Variants in CNTNAP5 observed in about 807,000 individuals in gnomAD.
CNTNAP5 encodes contactin associated protein family member 5.
In CNTNAP5, 72 loss-of-function variants were observed where a neutral mutation model predicts 150.2. The ratio of observed to expected loss-of-function variants is 0.48; its 90% CI spans 0.40 to 0.58. The LOEUF is 0.58. Ranked by LOEUF, CNTNAP5 falls within the 20% of genes least tolerant of loss-of-function variation. The pLI is 0.00. For missense variants in CNTNAP5, 1,636 were observed against 1,626.2 expected (o/e 1.01, Z -0.10); for synonymous variants, 672 against 619.8 (o/e 1.08, Z -1.25).
In CNTNAP5 at chr2:124,419,152, A is replaced by AAAAAAAAAAC. The variant is rs1553466539; in HGVS notation, c.529+1571_529+1572insCAAAAAAAAA. The stretch of plus-strand genomic sequence containing the variant: ...CGAGACTCCTTCTCAAAAAAAAAAA[A>AAAAAAAAAAC]AAAAAAAAAAACAGTATGAAGCTTT... On this transcript the variant is annotated intron_variant, in intron 4 of 23. Transcript: ENST00000682447. Among the ~76,000 whole-genome samples the AAAAAAAAAAC allele has an allele frequency of 1.4e-3, 165 of 121,018 alleles. 7 individuals carry two copies. The highest frequency in any genetic ancestry group is 4.1e-3 in the African/African-American group (145 of 35,286). The allele number at this position is 121,018 out of a possible 152,430, so 79.4% of individuals were successfully genotyped here. A position where few individuals can be genotyped will look rare whatever the true frequency, so the allele number is the denominator to read the frequency against.
intron 3 of CNTNAP5, among the ~76,000 whole-genome samples, chr2:124,325,720 C>T (rs1409741698): frequency 1.3e-5 from 2 of 152,146 alleles, no homozygotes; most frequent in South Asian, 2.1e-4. Flanking sequence ...GAGGCCATTT[C>T]GAAGCTTCCT....
intron 3 of CNTNAP5, among the ~76,000 whole-genome samples, chr2:124,254,844 T>C (rs1331894272): frequency 6.6e-6 from 1 of 152,176 alleles, no homozygotes; most frequent in Non-Finnish European, 1.5e-5. Flanking sequence ...GTCAGAATAC[T>C]GACTTTTGAC....
intron 11 of CNTNAP5, among the ~76,000 whole-genome samples, chr2:124,595,048 G>A (rs1295651819): frequency 6.9e-6 from 1 of 144,500 alleles, no homozygotes; most frequent in Non-Finnish European, 1.5e-5. Context: ...CTGAGATGAT[G>A]GGGTTTTCTA....
At chr2:124,157,227 C>T (rs921997234) in intron 1 of CNTNAP5, among the ~76,000 whole-genome samples, 1 of 152,154 alleles carries the variant, frequency 6.6e-6, no homozygotes, top group African/African-American at 2.4e-5. Flanking sequence ...CACCCTCTTC[C>T]CCTGGGTAGA....
At chr2:124,693,922 C>A (rs994584695) in intron 13 of CNTNAP5, among the ~76,000 whole-genome samples, 3 of 151,356 alleles carry the variant, frequency 2.0e-5, no homozygotes, top group African/African-American at 7.3e-5. Flanking sequence ...TGACAAGGGG[C>A]AGTGAGCTTT....
At chr2:124,475,342 T>C (rs1007330407) in intron 7 of CNTNAP5, among the ~76,000 whole-genome samples, 1 of 152,126 alleles carries the variant, frequency 6.6e-6, no homozygotes. Flanking sequence ...ATTTATCATA[T>C]TGACAAATTA....
chr2:124,155,377 A>T (rs142663168), intron 1 of CNTNAP5, among the ~76,000 whole-genome samples: 363 of 152,104 alleles, frequency 2.4e-3, no homozygotes, highest in African/African-American at 8.2e-3. Context: ...TGGAATTCTC[A>T]ACTGAATCCG....
rs560555609 is a variant in CNTNAP5 at position 124,308,141 on chromosome 2, A to G, written c.381+65748A>G. ...TTCAAGGAAGAAATGTTGGGCTTAC[A>G]TGAACGTCTCTTCTCTTTATGGAAA... On this transcript the variant is annotated intron_variant, in intron 3 of 23. Coordinates refer to ENST00000682447, the MANE Select transcript of CNTNAP5 (RefSeq NM_001367498.1). 5.9e-5 allele frequency among the ~76,000 whole-genome samples: 9 copies of G among 152,320 alleles called. No homozygotes were observed. In the South Asian group the frequency reaches 1.7e-3, roughly 28 times the overall value.
intron 1 of CNTNAP5, among the ~76,000 whole-genome samples, chr2:124,201,988 C>T (rs1480321680): frequency 6.6e-6 from 1 of 151,996 alleles, no homozygotes; most frequent in African/African-American, 2.4e-5. Context: ...TTTGCGTAAT[C>T]AAAATCTGAG....
chr2:124,404,127 C>T lies in CNTNAP5; in HGVS notation c.382-13316C>T, dbSNP rs568772606. 8.5e-5 allele frequency among the ~76,000 whole-genome samples: 13 copies of T among 152,274 alleles called. No individual in the cohort carries two copies. In the South Asian group the frequency reaches 1.5e-3, roughly 17 times the overall value. The stretch of plus-strand genomic sequence containing the variant: ...ACCCAAAGTTCATCTCTTTTCTTTC[C>T]CACTGCTTCTCTTAACATGGACCCT... On this transcript the variant is annotated intron_variant, in intron 3 of 23. Coordinates refer to ENST00000682447, the MANE Select transcript of CNTNAP5 (RefSeq NM_001367498.1).
At chr2:124,905,803 A>T (rs551409514) in intron 22 of CNTNAP5, among the ~76,000 whole-genome samples, 3 of 152,236 alleles carry the variant, frequency 2.0e-5, no homozygotes, top group South Asian at 4.1e-4. Context: ...AGCTTGAGCC[A>T]GTTAGAATTG....
At chr2:124,469,761 T>C (rs925766181) in intron 6 of CNTNAP5, among the ~76,000 whole-genome samples, 4 of 152,072 alleles carry the variant, frequency 2.6e-5, no homozygotes, top group Admixed American at 6.6e-5. Context: ...CTGTGAGTGG[T>C]TCACCTCCCT....
At chr2:124,461,886 G>A (rs188790323) in intron 6 of CNTNAP5, among the ~76,000 whole-genome samples, 48 of 143,934 alleles carry the variant, frequency 3.3e-4, no homozygotes, top group Admixed American at 9.7e-4. Flanking sequence ...AAAAAAAGTC[G>A]TTTTTTATCA....
At chr2:124,405,955 T>C (rs1691560115) in intron 3 of CNTNAP5, among the ~76,000 whole-genome samples, 1 of 152,240 alleles carries the variant, frequency 6.6e-6, no homozygotes, top group Non-Finnish European at 1.5e-5. Context: ...TTGTTCTTCT[T>C]ATGTACAAAG....
At chr2:124,847,961 A>C (rs1025398021) in intron 19 of CNTNAP5, among the ~76,000 whole-genome samples, 4 of 152,186 alleles carry the variant, frequency 2.6e-5, no homozygotes, top group African/African-American at 9.7e-5. Flanking sequence ...TTTATTTTTA[A>C]AAAAACTTGG....
intron 1 of CNTNAP5, among the ~76,000 whole-genome samples, chr2:124,049,963 C>A (rs1681646555): frequency 6.6e-6 from 1 of 152,064 alleles, no homozygotes; most frequent in Non-Finnish European, 1.5e-5. Context: ...GAACACTAAT[C>A]CCATTCATGA....
In CNTNAP5 at chr2:124,062,078, A is replaced by G. The variant is rs867402295; in HGVS notation, c.82+36346A>G. ...CTTGTTATCTTCAGGGCTACCTATC[A>G]ACTAAATCCAGCCACCACATGGCCA... On this transcript the variant is annotated intron_variant, in intron 1 of 23. Coordinates refer to ENST00000682447, the MANE Select transcript of CNTNAP5 (RefSeq NM_001367498.1). Among the ~76,000 whole-genome samples the G allele has an allele frequency of 5.3e-5, 8 of 152,014 alleles. No individual in the cohort carries two copies. In the Middle Eastern group the frequency reaches 0.01, roughly 194 times the overall value.
chr2:124,910,031 T>A (rs1246460906), intron 22 of CNTNAP5, among the ~76,000 whole-genome samples: 1 of 151,658 alleles, frequency 6.6e-6, no homozygotes, highest in Admixed American at 6.6e-5. Flanking sequence ...ACCCTTCCCA[T>A]TTGACCCCAT....
chr2:124,507,911 A>C (rs1466030290), intron 8 of CNTNAP5, among the ~76,000 whole-genome samples: 1 of 152,210 alleles, frequency 6.6e-6, no homozygotes, highest in Non-Finnish European at 1.5e-5. Context: ...TAGAAGCCGC[A>C]GTCTTTTTAT....
Sources: allele counts gnomAD v4.1 joint callset (sites outside exome capture counted in the v4.1 genomes callset), GRCh38; gene constraint gnomAD v4.1.1; transcripts MANE v1.5; gene names NCBI Gene and HGNC (gene_info 2026-07-23, HGNC 2026-07-21).